RAN: variants seen among roughly 807,000 people sequenced by gnomAD.
The protein encoded by RAN is GTP-binding nuclear protein Ran.
Under a neutral mutation model 26.8 loss-of-function variants are expected in RAN, and 2 were observed. That is an observed-to-expected ratio of 0.07 (90% CI 0.03 to 0.23). The LOEUF (loss-of-function observed/expected upper bound fraction) is 0.23, where lower values mean the gene tolerates loss of function less well. Ranked by LOEUF, RAN falls within the 10% of genes least tolerant of loss-of-function variation. The pLI, the probability that RAN is intolerant of heterozygous loss-of-function variation, is 1.00. For missense variants in RAN, 56 were observed against 264.8 expected (o/e 0.21, Z 5.47); for synonymous variants, 132 against 95.9 (o/e 1.38, Z -2.20).
rs573832933 is a variant in RAN, at chr12:130,876,344, A to G, written c.*418A>G. The G allele has an allele frequency of 2.3e-5, 4 of 171,044 alleles. No individual in the cohort carries two copies. Among genetic ancestry groups the G allele is most frequent in the African/African-American group, 9.5e-5 (4 of 41,966 alleles). The allele number at this position is 171,044 out of a possible 1,614,324, so 10.6% of individuals were successfully genotyped here. A position where few individuals can be genotyped will look rare whatever the true frequency, so the allele number is the denominator to read the frequency against. On this transcript the variant is annotated 3_prime_UTR_variant, in exon 7 of 7. Transcript: ENST00000543796. ...GAAACCACTAAAGTAGGGAAGTTTT[A>G]TGCCATGTTAATATTTGAATTGCCT...
chr12:130,873,034 G>A lies in RAN; in HGVS notation c.153G>A (p.Val51=). 2 of 1,614,212 alleles carry A rather than the reference G, an allele frequency of 1.2e-6. No individual in the cohort carries two copies. Among genetic ancestry groups the A allele is most frequent in the Non-Finnish European group, 1.7e-6 (2 of 1,180,042 alleles). The part of the protein sequence containing the change: ...ATLGVEVHPL[V]FHTNRGPIKF... Reference sequence around the variant, plus strand: ...TGGGTGTTGAGGTTCATCCCCTAGTGTTCCACACCAACAGAGGACCTATTA... The same window carrying A: ...TGGGTGTTGAGGTTCATCCCCTAGTATTCCACACCAACAGAGGACCTATTA... Residue 51 remains valine, a synonymous_variant, in exon 4 of 7, where the codon GTG becomes GTA. Transcript: ENST00000543796.
intron 2 of RAN, 49 bp downstream of exon 2, chr12:130,872,678 C>T: frequency 6.5e-7 from 1 of 1,528,522 alleles, no homozygotes; most frequent in Non-Finnish European, 8.8e-7. Flanking sequence ...CCGCGTGCGA[C>T]TCGCGGGTCC....
In RAN at chr12:130,877,355, C is replaced by G. The variant is rs549415963; in HGVS notation, c.*1429C>G. ...AAGTTCTACTTACTGTATTAACTGG[C>G]AACAGTTGAGTTTCTTAAGATCTGA... On this transcript the variant is annotated 3_prime_UTR_variant, in exon 7 of 7. Transcript: ENST00000543796. 6.6e-6 allele frequency: 1 copy of G among 152,276 alleles called. No individual in the cohort carries two copies. Among genetic ancestry groups the G allele is most frequent in the East Asian group, 1.9e-4 (1 of 5,184 alleles). The allele number at this position is 152,276 out of a possible 1,614,324, so 9.4% of individuals were successfully genotyped here. A position where few individuals can be genotyped will look rare whatever the true frequency, so the allele number is the denominator to read the frequency against.
rs777288589 is a variant in RAN, at chr12:130,875,962, T to C, written c.*36T>C. Reference sequence around the variant, plus strand: ...GGAGCCCAGCGTCAGAAGTCTAGTTTTATAGGCAGCTGTCCTGTGATGTCA... The same window carrying C: ...GGAGCCCAGCGTCAGAAGTCTAGTTCTATAGGCAGCTGTCCTGTGATGTCA... On this transcript the variant is annotated 3_prime_UTR_variant, in exon 7 of 7. Transcript: ENST00000543796. 2 of 1,604,784 alleles carry C rather than the reference T, an allele frequency of 1.2e-6. No homozygotes were observed. The highest frequency in any genetic ancestry group is 2.7e-5 in the African/African-American group (2 of 74,698).
chr12:130,874,451 A>G, intron 4 of RAN, 95 bp from the exon 5 acceptor site: 2 of 1,012,546 alleles, frequency 2.0e-6, no homozygotes, highest in Non-Finnish European at 2.9e-6. Flanking sequence ...GTTGAGGTCT[A>G]AGACTATAAC....
intron 3 of RAN, 21 bp downstream of exon 3, chr12:130,872,941 C>A: frequency 1.2e-6 from 2 of 1,614,218 alleles, no homozygotes; most frequent in Non-Finnish European, 1.7e-6. Flanking sequence ...GAAAACCTTG[C>A]TTGTGGAAAT....
At position 130,876,865 on chromosome 12, in the gene RAN, T is replaced by G. The variant is rs1478083366; in HGVS notation, c.*939T>G. ...ACAGTTTTCAGGTACTCCTAGACTT[T>G]AAAGATGTCTTGAACATTTAAGTTC... On this transcript the variant is annotated 3_prime_UTR_variant, in exon 7 of 7. Transcript: ENST00000543796. The G allele has an allele frequency of 6.6e-6, 1 of 152,206 alleles. No individual in the cohort carries two copies. Among genetic ancestry groups the G allele is most frequent in the Non-Finnish European group, 1.5e-5 (1 of 68,024 alleles). 9.4% of individuals were successfully genotyped at this position (152,206 alleles called of 1,614,324 possible).
chr12:130,876,116 T>TG lies in RAN; in HGVS notation c.*192dup. ...CAGTTTAAAAAATAACTTCATTGTT[T>TG]GGACCTGCATATTTAGCTGTTTTGG... On this transcript the variant is annotated 3_prime_UTR_variant, in exon 7 of 7. Coordinates refer to ENST00000543796, the MANE Select transcript of RAN (RefSeq NM_006325.5). 1.6e-6 allele frequency: 1 copy of TG among 627,834 alleles called. No individual in the cohort carries two copies. The highest frequency in any genetic ancestry group is 2.8e-5 in the East Asian group (1 of 36,010). 38.9% of individuals were successfully genotyped at this position (627,834 alleles called of 1,614,324 possible).
rs754564961 is a variant in RAN, at chr12:130,875,623, T to C, written c.447T>C (p.Ile149=). 15 of 1,604,074 alleles carry C rather than the reference T, an allele frequency of 9.4e-6. No individual in the cohort carries two copies. The South Asian group carries it at 1.5e-4, about 16-fold the overall frequency. ...HRKKNLQYYD[I]SAKSNYNFEK... ...TTTCTTTTAAACAGTACTACGACAT[T>C]TCTGCCAAAAGTAACTACAACTTTG... Residue 149 remains isoleucine (I), a synonymous_variant, in exon 6 of 7, where the codon ATT becomes ATC. Coordinates refer to ENST00000543796, the MANE Select transcript of RAN (RefSeq NM_006325.5).
Position 130,872,601 on chromosome 12 carries a change from C to T in RAN, c.8C>T (p.Ala3Val). 2 of 1,523,802 alleles carry T rather than the reference C, an allele frequency of 1.3e-6. No individual in the cohort carries two copies. Among genetic ancestry groups the T allele is most frequent in the South Asian group, 1.3e-5 (1 of 79,452 alleles). The allele number at this position is 1,523,802 out of a possible 1,614,324, so 94.4% of individuals were successfully genotyped here. MAAQGEPQVQFKL... is the reference protein window; with the variant it reads MAVQGEPQVQFKL... ...CTCCGCAGGAACGCCGCGATGGCTGCGCAGGGAGAGCCCCAGGTCCAGTTC... is the reference window on the plus strand; with the variant it reads ...CTCCGCAGGAACGCCGCGATGGCTGTGCAGGGAGAGCCCCAGGTCCAGTTC... The change falls in exon 2 of 7, where the codon GCG becomes GTG. Residue 3 changes from alanine to valine, a missense_variant. Physicochemically the swap from Ala to Val is moderately conservative, Grantham distance 64. Coordinates refer to ENST00000543796, the MANE Select transcript of RAN (RefSeq NM_006325.5).
At chr12:130,873,990 G>T in intron 4 of RAN, 4 of 384,942 alleles carry the variant, frequency 1.0e-5, no homozygotes, top group Non-Finnish European at 1.6e-5. Context: ...TTGGACTATA[G>T]GCACGTGCCA....
rs981465927 is a variant in RAN, at chr12:130,874,577, A to G, written c.279A>G (p.Thr93=). 3.1e-6 allele frequency: 5 copies of G among 1,599,014 alleles called. No homozygotes were observed. Among genetic ancestry groups the G allele is most frequent in the Non-Finnish European group, 3.4e-6 (4 of 1,167,898 alleles). Residue 93 remains threonine (T), a synonymous_variant, in exon 5 of 7, where the codon ACA becomes ACG. Coordinates refer to ENST00000543796, the MANE Select transcript of RAN (RefSeq NM_006325.5). ...GTGCCATCATAATGTTTGATGTAAC[A>G]TCGAGAGTTACTTACAAGAATGTGC... is the stretch of plus-strand genomic sequence containing the variant. The part of the protein sequence containing the change: ...AQCAIIMFDV[T]SRVTYKNVPN...
rs1253261675 is a variant in RAN, at chr12:130,872,107, C to T, written c.-30C>T. 9.6e-6 allele frequency: 3 copies of T among 313,254 alleles called. No individual in the cohort carries two copies. Among genetic ancestry groups the T allele is most frequent in the African/African-American group, 2.3e-5 (1 of 43,936 alleles). 19.4% of individuals were successfully genotyped at this position (313,254 alleles called of 1,614,324 possible). A position where few individuals can be genotyped will look rare whatever the true frequency, so the allele number is the denominator to read the frequency against. On this transcript the variant is annotated 5_prime_UTR_variant, in exon 1 of 7. Transcript: ENST00000543796. Reference sequence around the variant, plus strand: ...ATCTTTCCAGCCTCAGTCGGACGGGCGCGGAGACGCTTCTGGAAGGTATCG... The same window carrying T: ...ATCTTTCCAGCCTCAGTCGGACGGGTGCGGAGACGCTTCTGGAAGGTATCG...
intron 1 of RAN, 23 bp from the exon 2 acceptor site, chr12:130,872,561 G>C: frequency 1.4e-6 from 2 of 1,445,668 alleles, no homozygotes; most frequent in Non-Finnish European, 1.8e-6. Context: ...GCGAGCGCTC[G>C]CCTCCGTCCT....
At chr12:130,873,397 G>C in intron 4 of RAN, 2 of 365,088 alleles carry the variant, frequency 5.5e-6, no homozygotes, top group Non-Finnish European at 1.0e-5. Context: ...ACAATAATAG[G>C]CTGTTAACAG....
chr12:130,873,252 G>C, intron 4 of RAN, 124 bp downstream of exon 4: 1 of 1,344,820 alleles, frequency 7.4e-7, no homozygotes, highest in South Asian at 1.4e-5. Flanking sequence ...AAGACAAGTG[G>C]ACTTCGGGGA....
chr12:130,872,660 G>A, intron 2 of RAN, 31 bp downstream of exon 2: 1 of 1,522,752 alleles, frequency 6.6e-7, no homozygotes, highest in Non-Finnish European at 8.8e-7. Flanking sequence ...GGAGGCGGCC[G>A]AGCCCGACCG....
chr12:130,872,116 G>A lies in RAN; in HGVS notation c.-21G>A. On this transcript the variant is annotated 5_prime_UTR_variant, in exon 1 of 7. Transcript: ENST00000543796. ...GCCTCAGTCGGACGGGCGCGGAGAC[G>A]CTTCTGGAAGGTATCGCGACCCGGC... 1 of 284,488 alleles carries A rather than the reference G, an allele frequency of 3.5e-6. No individual in the cohort carries two copies. The allele number at this position is 284,488 out of a possible 1,614,324, so 17.6% of individuals were successfully genotyped here. A position where few individuals can be genotyped will look rare whatever the true frequency, so the allele number is the denominator to read the frequency against.
intron 4 of RAN, chr12:130,873,388 CAAT>C (rs1350063737): frequency 3.3e-5 from 13 of 397,652 alleles, no homozygotes; most frequent in Non-Finnish European, 4.6e-5. Context: ...ATATTTAAAA[CAAT>C]AATAGGCTGT....
Sources: allele counts gnomAD v4.1 joint callset, GRCh38; gene constraint gnomAD v4.1.1; transcripts MANE v1.5; gene names NCBI Gene and HGNC (gene_info 2026-07-23, HGNC 2026-07-21).